Variants in DOCK7 observed in about 807,000 individuals in gnomAD.
DOCK7 encodes dedicator of cytokinesis protein 7.
Under a neutral mutation model 271.0 loss-of-function variants are expected in DOCK7, and 138 were observed. The ratio of observed to expected loss-of-function variants is 0.51; its 90% CI spans 0.44 to 0.59. The LOEUF is 0.59. DOCK7 is among the 20% of genes least tolerant of loss of function. DOCK7 has a pLI of 0.00. For synonymous variants in DOCK7, 823 were observed against 876.1 expected (o/e 0.94, Z 1.07); for missense variants, 2,066 against 2,592.4 (o/e 0.80, Z 4.41).
At chr1:62,551,291 G>A (rs1479373039) in intron 22 of DOCK7, among the ~76,000 whole-genome samples, 1 of 148,052 alleles carries the variant, frequency 6.8e-6, no homozygotes, top group Non-Finnish European at 1.5e-5. Context: ...CATACTGGAA[G>A]AAGAATTGTC....
chr1:62,524,549 T>C (rs1644942543), intron 31 of DOCK7, among the ~76,000 whole-genome samples: 1 of 152,112 alleles, frequency 6.6e-6, no homozygotes, highest in Non-Finnish European at 1.5e-5. Flanking sequence ...AATCAGTGAA[T>C]TATAGCTACA....
chr1:62,457,412 C>T, intron 49 of DOCK7, 126 bp downstream of exon 49: 3 of 946,732 alleles, frequency 3.2e-6, no homozygotes, highest in Non-Finnish European at 1.6e-6. Flanking sequence ...AAATCTGAAA[C>T]CCCAAACACT....
At chr1:62,571,922 G>A (rs1041495091) in intron 18 of DOCK7, among the ~76,000 whole-genome samples, 1 of 152,136 alleles carries the variant, frequency 6.6e-6, no homozygotes, top group Non-Finnish European at 1.5e-5. Context: ...TGTGGGGAAG[G>A]GAGAGCATCA....
chr1:62,674,068 A>G (rs35985297), intron 1 of DOCK7, among the ~76,000 whole-genome samples: 345 of 152,318 alleles, frequency 2.3e-3, no homozygotes, highest in Middle Eastern at 3.4e-3. Context: ...TCAGGAACCC[A>G]CAAAAAACTA....
intron 16 of DOCK7, among the ~76,000 whole-genome samples, chr1:62,581,103 C>T (rs1409862014): frequency 1.3e-5 from 2 of 152,110 alleles, no homozygotes; most frequent in Admixed American, 6.5e-5. Flanking sequence ...CCCTGGTATA[C>T]AGCATATAGG....
chr1:62,632,494 T>C (rs143925284), intron 10 of DOCK7, among the ~76,000 whole-genome samples: 164 of 152,248 alleles, frequency 1.1e-3, no homozygotes, highest in African/African-American at 3.6e-3. Flanking sequence ...CTTGGGAAAA[T>C]AGCAAAACAT....
Position 62,671,013 on chromosome 1 carries a change from AG to A in DOCK7, c.39-7884del, listed in dbSNP as rs57811313. On this transcript the variant is annotated intron_variant, in intron 1 of 49. Transcript: ENST00000635253. Reference sequence around the variant, plus strand: ...CCAGCGAGACCACGAGCCCACCGGGAGGAACGAACAACTCCAGACGCGCTGC... The same window carrying A: ...CCAGCGAGACCACGAGCCCACCGGGAGAACGAACAACTCCAGACGCGCTGC... Among the ~76,000 whole-genome samples, 382 of 152,166 alleles carry A rather than the reference AG, an allele frequency of 2.5e-3. 2 individuals carry two copies. Among genetic ancestry groups the A allele is most frequent in the African/African-American group, 8.9e-3 (371 of 41,490 alleles).
At chr1:62,617,523 AG>A (rs1402096290) in intron 14 of DOCK7, among the ~76,000 whole-genome samples, 1 of 152,134 alleles carries the variant, frequency 6.6e-6, no homozygotes, top group East Asian at 1.9e-4. Flanking sequence ...CTTTAGCCCC[AG>A]GTGGTTATTA....
intron 24 of DOCK7, 152 bp from the exon 25 acceptor site, chr1:62,542,855 GA>G (rs1383518113): frequency 1.7e-6 from 1 of 580,408 alleles, no homozygotes; most frequent in Non-Finnish European, 3.0e-6. Flanking sequence ...ACCCATTAAC[GA>G]AACGGCTATT....
At chr1:62,491,515 G>A (rs750232761) in intron 41 of DOCK7, among the ~76,000 whole-genome samples, 9 of 152,158 alleles carry the variant, frequency 5.9e-5, no homozygotes, top group Non-Finnish European at 1.0e-4. Context: ...CTTCACATAC[G>A]GATGGAAGGG....
chr1:62,604,601 T>TA (rs2149544728), intron 14 of DOCK7: 2 of 1,598,280 alleles, frequency 1.3e-6, no homozygotes, highest in East Asian at 4.5e-5. Context: ...TACGAGTCTG[T>TA]ACCCATTAAA....
intron 21 of DOCK7, among the ~76,000 whole-genome samples, chr1:62,554,803 A>G (rs1438853386): frequency 2.0e-5 from 3 of 152,248 alleles, no homozygotes; most frequent in African/African-American, 7.2e-5. Context: ...CATGTCCTCA[A>G]GTGGTATAAT....
At chr1:62,603,852 C>T (rs1161087529) in intron 14 of DOCK7, 1 of 933,992 alleles carries the variant, frequency 1.1e-6, no homozygotes, top group Non-Finnish European at 1.7e-6. Context: ...CTAAAATGAT[C>T]AAGGGATTCA....
At chr1:62,476,005 C>T (rs533557083) in intron 45 of DOCK7, 62 bp from the exon 46 acceptor site, 1 of 1,601,874 alleles carries the variant, frequency 6.2e-7, no homozygotes, top group Non-Finnish European at 8.5e-7. Context: ...CTTTCTCAAA[C>T]AAAATTGCAC....
At chr1:62,459,072 T>A (rs1055889552) in intron 48 of DOCK7, 15 of 152,092 alleles carry the variant, frequency 9.9e-5, no homozygotes, top group Non-Finnish European at 1.8e-4. Context: ...AATAAGATTT[T>A]AAAATAGAGT....
At chr1:62,477,589 T>G in intron 44 of DOCK7, 111 bp downstream of exon 44, 1 of 1,213,314 alleles carries the variant, frequency 8.2e-7, no homozygotes, top group Non-Finnish European at 1.1e-6. Context: ...AACGGAGTAG[T>G]TTACTTGGCA....
At position 62,513,546 on chromosome 1, in the gene DOCK7, C is replaced by T. The variant is rs1644564157; in HGVS notation, c.4180G>A (p.Ala1394Thr). ...CCAAGAATAGCTTCTTCAAGCTTTG[C>T]TCTCATGTCTTTTGATTTCTTAAAG... ...LTFKKSKDMR[A>T]KLEEAILGSI... The change falls in exon 33 of 50, where the codon GCA becomes ACA. Residue 1394 changes from alanine (A) to threonine (T), a missense_variant. Physicochemically the swap from Ala to Thr is moderately conservative, Grantham distance 58. Transcript: ENST00000635253. The T allele has an allele frequency of 1.2e-6, 2 of 1,614,018 alleles. No homozygotes were observed. The highest frequency in any genetic ancestry group is 1.3e-5 in the African/African-American group (1 of 74,940).
intron 1 of DOCK7, among the ~76,000 whole-genome samples, chr1:62,669,367 G>C (rs1450135464): frequency 5.3e-5 from 8 of 152,210 alleles, no homozygotes; most frequent in Admixed American, 5.2e-4. Context: ...TAAAAGTATG[G>C]TGGGGGGAAA....
rs1168096 is a variant in DOCK7, at chr1:62,654,382, T to C, written c.145-223A>G. On this transcript the variant is annotated intron_variant, in intron 2 of 49. Transcript: ENST00000635253. Reference sequence around the variant, plus strand: ...ATACTCTCTTTAATGTCCTTGCTGATACTTTGCCCAGAACTCTCACATAAA... The same window carrying C: ...ATACTCTCTTTAATGTCCTTGCTGACACTTTGCCCAGAACTCTCACATAAA... 1 allele frequency among the ~76,000 whole-genome samples: 152,194 copies of C among 152,260 alleles called. 76,064 individuals carry two copies. Among genetic ancestry groups the C allele is most frequent in the Non-Finnish European group, 1 (68,024 of 68,024 alleles).
Sources: allele counts gnomAD v4.1 joint callset (sites outside exome capture counted in the v4.1 genomes callset), GRCh38; gene constraint gnomAD v4.1.1; transcripts MANE v1.5; gene names NCBI Gene and HGNC (gene_info 2026-07-23, HGNC 2026-07-21).